SKA2: variants seen among roughly 807,000 people sequenced by gnomAD.
SKA2 encodes the protein spindle and kinetochore-associated protein 2.
SKA2 carries 13 observed loss-of-function variants against 16.9 expected under a neutral mutation model. The observed-to-expected ratio is 0.77, with a 90% CI of 0.50 to 1.22. SKA2 has a LOEUF of 1.22. Among genes scored for constraint, SKA2 ranks in the 50% most tolerant of loss-of-function variants. SKA2 has a pLI of 0.00. For missense variants in SKA2, 107 were observed against 139.7 expected, an observed-to-expected ratio of 0.77 and a Z score of 1.18; for synonymous variants, 47 against 48.5, an observed-to-expected ratio of 0.97 and a Z score of 0.13.
chr17:59,119,514 G>T lies in SKA2; in HGVS notation c.121-19C>A. On this transcript the variant is annotated intron_variant, in intron 2 of 3. Coordinates refer to ENST00000330137, the MANE Select transcript of SKA2 (RefSeq NM_182620.4). Reference sequence around the variant, plus strand: ...GATTTTTCTATGTCAGGAAAAAAGTGAACATGTATTAAATTATGAAAGATT... The same window carrying T: ...GATTTTTCTATGTCAGGAAAAAAGTTAACATGTATTAAATTATGAAAGATT... 1 of 1,604,968 alleles carries T rather than the reference G, an allele frequency of 6.2e-7. No individual in the cohort carries two copies. Among genetic ancestry groups the T allele is most frequent in the East Asian group, 2.2e-5 (1 of 44,778 alleles).
chr17:59,139,559 A>G (rs1440811267), intron 1 of SKA2, among the ~76,000 whole-genome samples: 1 of 152,048 alleles, frequency 6.6e-6, no homozygotes, highest in Non-Finnish European at 1.5e-5. Context: ...TATGTTGCCC[A>G]GGCTAGTCTC....
At chr17:59,129,513 A>C (rs1005544951) in intron 2 of SKA2, 1 of 151,722 alleles carries the variant, frequency 6.6e-6, no homozygotes. Context: ...AGGCAGGGGA[A>C]GGAAAGAGAA....
chr17:59,143,928 C>T (rs956075654), intron 1 of SKA2, among the ~76,000 whole-genome samples: 3 of 152,028 alleles, frequency 2.0e-5, no homozygotes, highest in Non-Finnish European at 2.9e-5. Flanking sequence ...GAGGCCGAAG[C>T]GGGCGGATCA....
intron 1 of SKA2, among the ~76,000 whole-genome samples, chr17:59,131,752 A>G (rs569035079): frequency 2.6e-5 from 4 of 152,228 alleles, no homozygotes; most frequent in Non-Finnish European, 5.9e-5. Context: ...TACACTTTCA[A>G]TTTAAAACAC....
intron 1 of SKA2, among the ~76,000 whole-genome samples, chr17:59,148,155 G>A (rs2046548369): frequency 1.3e-5 from 2 of 152,102 alleles, no homozygotes; most frequent in Non-Finnish European, 2.9e-5. Context: ...AAGAAAAAAA[G>A]TTTTTAATTT....
At chr17:59,148,923 G>C (rs1347407363) in intron 1 of SKA2, among the ~76,000 whole-genome samples, 1 of 151,464 alleles carries the variant, frequency 6.6e-6, no homozygotes, top group Admixed American at 6.6e-5. Context: ...AACATCATTA[G>C]TTAAGGAAGT....
intron 1 of SKA2, among the ~76,000 whole-genome samples, chr17:59,145,814 C>G (rs1024457253): frequency 6.6e-6 from 1 of 151,910 alleles, no homozygotes; most frequent in Non-Finnish European, 1.5e-5. Flanking sequence ...CAAAGGGAAA[C>G]CACGCCTCTA....
rs1010971383 is a variant in SKA2 at position 59,154,822 on chromosome 17, G to A, written c.33+309C>T. On this transcript the variant is annotated intron_variant, in intron 1 of 3. Transcript: ENST00000330137. ...TCACATCTTTTTTGGTACAAACACA[G>A]AATGCGGTCTGCACCCGGCGCAGTT... The A allele has an allele frequency of 4.4e-6, 4 of 908,562 alleles. No individual in the cohort carries two copies. The African/African-American group carries it at 6.7e-5, about 15-fold the overall frequency. 56.3% of individuals were successfully genotyped at this position (908,562 alleles called of 1,614,324 possible). A position where few individuals can be genotyped will look rare whatever the true frequency, so the allele number is the denominator to read the frequency against.
rs1357209547 is a variant in SKA2, at chr17:59,110,780, C to T, written c.*1497G>A. The T allele has an allele frequency of 8.0e-6, 1 of 125,574 alleles. No homozygotes were observed. Among genetic ancestry groups the T allele is most frequent in the Admixed American group, 8.9e-5 (1 of 11,174 alleles). The allele number at this position is 125,574 out of a possible 1,614,324, so 7.8% of individuals were successfully genotyped here. On this transcript the variant is annotated 3_prime_UTR_variant, in exon 4 of 4. Transcript: ENST00000330137. ...TTCCAGCCTGGGCAACAGAGTGAGACTCCGTCTCAAAAAAAAAAAAAAAAA... is the reference window on the plus strand; with the variant it reads ...TTCCAGCCTGGGCAACAGAGTGAGATTCCGTCTCAAAAAAAAAAAAAAAAA...
chr17:59,142,297 T>G (rs1169947016), intron 1 of SKA2, among the ~76,000 whole-genome samples: 3 of 151,606 alleles, frequency 2.0e-5, no homozygotes, highest in Non-Finnish European at 4.4e-5. Context: ...GTGGGTTTTT[T>G]TTTTTTTTTT....
Position 59,155,119 on chromosome 17 carries a change from C to G in SKA2, c.33+12G>C. 1 of 1,614,048 alleles carries G rather than the reference C, an allele frequency of 6.2e-7. No individual in the cohort carries two copies. The highest frequency in any genetic ancestry group is 8.5e-7 in the Non-Finnish European group (1 of 1,179,894). On this transcript the variant is annotated intron_variant, in intron 1 of 3. Transcript: ENST00000330137. Reference sequence around the variant, plus strand: ...TAAACTACCCAGTAGATCTCCTTCACTTTGCACTCACCATCAGTTCCAGCT... The same window carrying G: ...TAAACTACCCAGTAGATCTCCTTCAGTTTGCACTCACCATCAGTTCCAGCT...
chr17:59,139,225 G>A (rs572125088), intron 1 of SKA2, among the ~76,000 whole-genome samples: 6 of 151,740 alleles, frequency 4.0e-5, no homozygotes, highest in East Asian at 1.9e-4. Context: ...GTGAAACCCC[G>A]TCTCTACTAA....
rs184016500 is a variant in SKA2, at chr17:59,129,216, G to C, written c.120+2065C>G. The C allele has an allele frequency of 2.9e-3, 449 of 152,338 alleles. 3 individuals carry two copies. Among genetic ancestry groups the C allele is most frequent in the Non-Finnish European group, 4.8e-3 (328 of 68,152 alleles). The allele number at this position is 152,338 out of a possible 1,614,324, so 9.4% of individuals were successfully genotyped here. A position where few individuals can be genotyped will look rare whatever the true frequency, so the allele number is the denominator to read the frequency against. ...ATACAAAAATTAGCTGGGTGTGGTG[G>C]TGTGTGCCTATAGTTCCAGGCACTT... On this transcript the variant is annotated intron_variant, in intron 2 of 3. Transcript: ENST00000330137.
chr17:59,154,507 GGGAGCGGAGCTCGT>G (rs1322502055), intron 1 of SKA2, among the ~76,000 whole-genome samples: 1 of 152,224 alleles, frequency 6.6e-6, no homozygotes, highest in Non-Finnish European at 1.5e-5. Flanking sequence ...CCCGCGCTCC[GGGAGCGGAGCTCGT>G]GGTTACGATC....
At chr17:59,150,472 C>A (rs1403935376) in intron 1 of SKA2, among the ~76,000 whole-genome samples, 1 of 152,122 alleles carries the variant, frequency 6.6e-6, no homozygotes, top group Admixed American at 6.6e-5. Context: ...CACAGTGGCT[C>A]ACACCTATAA....
At chr17:59,131,739 A>T (rs1183605886) in intron 1 of SKA2, among the ~76,000 whole-genome samples, 1 of 152,224 alleles carries the variant, frequency 6.6e-6, no homozygotes. Flanking sequence ...CTCTGGCAGA[A>T]AATACACTTT....
At chr17:59,130,092 G>T (rs2147805711) in intron 2 of SKA2, among the ~76,000 whole-genome samples, 1 of 151,850 alleles carries the variant, frequency 6.6e-6, no homozygotes, top group East Asian at 1.9e-4. Context: ...AGGAAAGAAA[G>T]AAAAGAATAG....
At chr17:59,143,475 G>C (rs893207277) in intron 1 of SKA2, among the ~76,000 whole-genome samples, 12 of 152,024 alleles carry the variant, frequency 7.9e-5, no homozygotes, top group Non-Finnish European at 1.8e-4. Flanking sequence ...TCCGCTTCTG[G>C]GGTTCAAGCG....
intron 1 of SKA2, among the ~76,000 whole-genome samples, chr17:59,145,086 C>A (rs2046521980): frequency 6.6e-6 from 1 of 152,134 alleles, no homozygotes; most frequent in South Asian, 2.1e-4. Context: ...GTGTGAGCCA[C>A]CATGCCCAGT....
Sources: allele counts gnomAD v4.1 joint callset (sites outside exome capture counted in the v4.1 genomes callset), GRCh38; gene constraint gnomAD v4.1.1; transcripts MANE v1.5; gene names NCBI Gene and HGNC (gene_info 2026-07-23, HGNC 2026-07-21).